Variants in PTPRT observed in about 807,000 individuals in gnomAD.
PTPRT encodes receptor-type tyrosine-protein phosphatase T.
A neutral mutation model predicts 176.8 loss-of-function variants in PTPRT; 56 were observed. The observed-to-expected ratio is 0.32, with a 90% CI of 0.26 to 0.40. The LOEUF (loss-of-function observed/expected upper bound fraction) is 0.40, where lower values mean the gene tolerates loss of function less well. Ranked by LOEUF, PTPRT falls within the 10% of genes least tolerant of loss-of-function variation. PTPRT has a pLI of 1.00. For missense variants in PTPRT, 1,540 were observed against 1,908.2 expected, an observed-to-expected ratio of 0.81 and a Z score of 3.60; for synonymous variants, 783 against 739.0, an observed-to-expected ratio of 1.06 and a Z score of -0.96.
chr20:42,923,704 C>A (rs1979303855), intron 1 of PTPRT, among the ~76,000 whole-genome samples: 1 of 152,348 alleles, frequency 6.6e-6, no homozygotes, highest in East Asian at 1.9e-4. Flanking sequence ...GCCCTGGCAC[C>A]AGTCCCAGGT....
intron 1 of PTPRT, among the ~76,000 whole-genome samples, chr20:43,028,756 C>T (rs967122405): frequency 3.3e-5 from 5 of 152,164 alleles, no homozygotes; most frequent in Admixed American, 6.5e-5. Flanking sequence ...CTGATCCAAA[C>T]GCCTAGGAGC....
intron 27 of PTPRT, among the ~76,000 whole-genome samples, chr20:42,095,448 C>T (rs1459503189): frequency 1.3e-5 from 2 of 152,180 alleles, no homozygotes; most frequent in African/African-American, 4.8e-5. Context: ...ACCCTGCAGC[C>T]TGGGTGCAGG....
At chr20:42,109,917 A>C (rs1408112839) in intron 23 of PTPRT, among the ~76,000 whole-genome samples, 1 of 152,216 alleles carries the variant, frequency 6.6e-6, no homozygotes, top group Non-Finnish European at 1.5e-5. Flanking sequence ...ACCAAGTATC[A>C]TCAGAAAGCA....
downstream of PTPRT, among the ~76,000 whole-genome samples, chr20:42,068,540 C>T (rs528812578): frequency 2.6e-5 from 4 of 152,322 alleles, no homozygotes; most frequent in African/African-American, 9.6e-5. Flanking sequence ...CATTTCATCT[C>T]CCAGGAGATA....
At chr20:42,556,094 CTA>C (rs1321564374) in intron 7 of PTPRT, among the ~76,000 whole-genome samples, 1 of 152,188 alleles carries the variant, frequency 6.6e-6, no homozygotes, top group African/African-American at 2.4e-5. Context: ...GACAAAGACT[CTA>C]TTGAAAATCT....
intron 1 of PTPRT, among the ~76,000 whole-genome samples, chr20:42,998,570 T>C (rs1254431186): frequency 1.3e-5 from 2 of 152,208 alleles, no homozygotes; most frequent in Admixed American, 1.3e-4. Flanking sequence ...CTATATTGAT[T>C]ACCTGCACTA....
rs112762050 is a variant in PTPRT at position 42,104,540 on chromosome 20, T to C, written c.3540+29A>G. ...TTATAACAACCCAAACTGACTAAGA[T>C]GGTCACCGAGCCTGGGATTTGCTCA... On this transcript the variant is annotated intron_variant, in intron 25 of 30. Coordinates refer to ENST00000373187, the MANE Select transcript of PTPRT (RefSeq NM_007050.6). 6,996 of 1,595,766 alleles carry C rather than the reference T, an allele frequency of 4.4e-3. 259 individuals carry two copies. The African/African-American group carries it at 0.083, about 19-fold the overall frequency.
chr20:42,911,557 C>T (rs1310082214), intron 1 of PTPRT, among the ~76,000 whole-genome samples: 1 of 152,086 alleles, frequency 6.6e-6, no homozygotes, highest in Non-Finnish European at 1.5e-5. Flanking sequence ...AAAATGTATA[C>T]ATTATCTAGG....
intron 9 of PTPRT, among the ~76,000 whole-genome samples, chr20:42,436,214 T>C (rs951998756): frequency 6.6e-6 from 1 of 152,172 alleles, no homozygotes; most frequent in Admixed American, 6.5e-5. Context: ...GGACACAAAA[T>C]GTGTTAACTA....
intron 8 of PTPRT, among the ~76,000 whole-genome samples, chr20:42,469,333 A>T (rs2071154415): frequency 6.6e-6 from 1 of 152,118 alleles, no homozygotes; most frequent in South Asian, 2.1e-4. Context: ...CCTTCTGAGT[A>T]GCTGGGACTA....
chr20:42,960,033 T>G (rs1262618577), intron 1 of PTPRT, among the ~76,000 whole-genome samples: 3 of 152,108 alleles, frequency 2.0e-5, no homozygotes, highest in Non-Finnish European at 2.9e-5. Context: ...CCTCCCATCA[T>G]CTACTCACGG....
At chr20:42,104,857 T>C (rs1355576421) in intron 24 of PTPRT, 139 bp from the exon 25 acceptor site, 1 of 959,846 alleles carries the variant, frequency 1.0e-6, no homozygotes, top group Non-Finnish European at 1.5e-6. Flanking sequence ...TTTTATACTG[T>C]AACCCAAAGG....
At chr20:42,470,773 C>A (rs902089917) in intron 8 of PTPRT, among the ~76,000 whole-genome samples, 14 of 151,782 alleles carry the variant, frequency 9.2e-5, no homozygotes, top group Admixed American at 7.9e-4. Context: ...ACATGGAGGA[C>A]AGGTCATTCC....
At chr20:42,479,956 A>G (rs906716570) in intron 7 of PTPRT, among the ~76,000 whole-genome samples, 4 of 152,202 alleles carry the variant, frequency 2.6e-5, no homozygotes, top group African/African-American at 9.7e-5. Context: ...GAAGCACTAG[A>G]TCCTACCCGT....
At chr20:42,826,820 T>G (rs1312609345) in intron 2 of PTPRT, among the ~76,000 whole-genome samples, 1 of 152,158 alleles carries the variant, frequency 6.6e-6, no homozygotes, top group Non-Finnish European at 1.5e-5. Flanking sequence ...CCATCTCACA[T>G]GCAATGAATG....
At chr20:42,464,761 G>A (rs894682972) in intron 8 of PTPRT, among the ~76,000 whole-genome samples, 4 of 152,050 alleles carry the variant, frequency 2.6e-5, no homozygotes, top group East Asian at 1.9e-4. Flanking sequence ...TTGCCTTGTT[G>A]TTATTGCTTT....
At chr20:42,316,327 T>A (rs2057721349) in intron 11 of PTPRT, among the ~76,000 whole-genome samples, 1 of 152,190 alleles carries the variant, frequency 6.6e-6, no homozygotes, top group Admixed American at 6.5e-5. Context: ...CTAGGGCTCA[T>A]CCTCAGTTCT....
intron 1 of PTPRT, among the ~76,000 whole-genome samples, chr20:42,928,170 A>T (rs1276736184): frequency 1.3e-5 from 2 of 152,248 alleles, no homozygotes; most frequent in Non-Finnish European, 2.9e-5. Context: ...CTCATTGCAC[A>T]AGGCTCTGGT....
intron 9 of PTPRT, among the ~76,000 whole-genome samples, chr20:42,439,638 G>T (rs781073157): frequency 6.6e-6 from 1 of 152,264 alleles, no homozygotes; most frequent in Admixed American, 6.5e-5. Context: ...TTATTTAGAA[G>T]GTGTTTAGCT....
Sources: gnomAD v4.1 joint callset for allele counts (sites outside exome capture counted in the v4.1 genomes callset) on GRCh38, gnomAD v4.1.1 for gene constraint, MANE v1.5 for transcripts, NCBI Gene and HGNC (gene_info 2026-07-23, HGNC 2026-07-21) for gene names.